The following HTT variants were observed in gnomAD, a reference collection of about 807,000 sequenced individuals.
The protein encoded by HTT is huntingtin, also known as huntington disease protein.
In HTT, 104 loss-of-function variants were observed where a neutral mutation model predicts 362.3. That is an observed-to-expected ratio of 0.29 (90% CI 0.24 to 0.34). HTT has a LOEUF of 0.34. Among genes scored for constraint, HTT ranks in the 10% least tolerant of loss-of-function variants. HTT has a pLI of 1.00. For missense variants in HTT, 3,301 were observed against 3,928.6 expected, an observed-to-expected ratio of 0.84 and a Z score of 4.27; for synonymous variants, 1,577 against 1,548.7, an observed-to-expected ratio of 1.02 and a Z score of -0.43.
chr4:3,157,008 C>T (rs1265428395), intron 27 of HTT, 64 bp from the exon 28 acceptor site: 1 of 1,326,654 alleles, frequency 7.5e-7, no homozygotes, highest in Non-Finnish European at 1.0e-6. Flanking sequence ...TTCCAGTAAT[C>T]TCTTTAAAAC....
intron 47 of HTT, among the ~76,000 whole-genome samples, chr4:3,211,104 A>C (rs1337700268): frequency 6.6e-6 from 1 of 150,508 alleles, no homozygotes; most frequent in East Asian, 1.9e-4. Context: ...GGATTTCACC[A>C]TGTTGGCCAG....
In HTT at chr4:3,217,860, G is replaced by A. The variant is rs1015464444; in HGVS notation, c.7150G>A (p.Val2384Met). ...CTTGGGTCATAAAAGGAATAGCGGC[G>A]TGCCGGCGTTTCTCACGCCATTGCT... ...LALGHKRNSG[V>M]PAFLTPLLRN... Residue 2384 changes from valine to methionine, a missense_variant, in exon 52 of 67, where the codon GTG (valine) becomes ATG (methionine). This residue lies in a region of HTT where 753 missense variants were observed against 1,021.3 expected (regional missense o/e 0.74). Coordinates refer to ENST00000355072, the MANE Select transcript of HTT (RefSeq NM_001388492.1). 1.4e-5 allele frequency: 23 copies of A among 1,614,072 alleles called. No individual in the cohort carries two copies. The highest frequency in any genetic ancestry group is 3.3e-5 in the Admixed American group (2 of 60,008).
intron 41 of HTT, among the ~76,000 whole-genome samples, 160 bp downstream of exon 41, chr4:3,200,099 A>G (rs748309084): frequency 2.0e-5 from 3 of 152,228 alleles, no homozygotes; most frequent in Non-Finnish European, 4.4e-5. Context: ...TTTCATGGAC[A>G]GCATATTATT....
chr4:3,220,108 G>A (rs1051589115), intron 52 of HTT, 74 bp from the exon 53 acceptor site: 5 of 1,559,674 alleles, frequency 3.2e-6, no homozygotes, highest in East Asian at 2.3e-5. Flanking sequence ...GAGAGAAGTC[G>A]GGCTTCCTGC....
intron 53 of HTT, among the ~76,000 whole-genome samples, chr4:3,221,056 G>A (rs1377022422): frequency 3.3e-5 from 5 of 152,142 alleles, no homozygotes; most frequent in Non-Finnish European, 4.4e-5. Flanking sequence ...ACTGTAATCA[G>A]TCAGTTCTCA....
At chr4:3,219,034 C>T (rs115838515) in intron 52 of HTT, among the ~76,000 whole-genome samples, 1,967 of 152,256 alleles carry the variant, frequency 0.013, 79 homozygotes, top group Admixed American at 0.076. Context: ...AGGATTCTGC[C>T]GCAGGGAATG....
intron 11 of HTT, 50 bp downstream of exon 11, chr4:3,125,679 C>T: frequency 1.5e-6 from 2 of 1,317,270 alleles, no homozygotes; most frequent in African/African-American, 1.4e-5. Context: ...GTCTGCCTTC[C>T]ACCCCTTGCC....
At chr4:3,103,159 G>A (rs1222934033) in intron 3 of HTT, among the ~76,000 whole-genome samples, 1 of 150,298 alleles carries the variant, frequency 6.7e-6, no homozygotes, top group Non-Finnish European at 1.5e-5. Context: ...TGCTAGTGAA[G>A]ATTAAAGATT....
At position 3,153,388 on chromosome 4, in the gene HTT, C is replaced by A. The variant is rs138496434; in HGVS notation, c.3499-905C>A. On this transcript the variant is annotated intron_variant, in intron 26 of 66. Transcript: ENST00000355072. Reference sequence around the variant, plus strand: ...ATCAGGGAGTGAGTAAGTAGCAGAGCTAGGACCTCAATTCCACATGTCAGT... The same window carrying A: ...ATCAGGGAGTGAGTAAGTAGCAGAGATAGGACCTCAATTCCACATGTCAGT... 1.6e-3 allele frequency among the ~76,000 whole-genome samples: 243 copies of A among 152,278 alleles called. 2 individuals carry two copies. The highest frequency in any genetic ancestry group is 2.9e-3 in the Admixed American group (45 of 15,292).
chr4:3,107,817 G>A (rs976346539), intron 6 of HTT, among the ~76,000 whole-genome samples: 1 of 152,210 alleles, frequency 6.6e-6, no homozygotes, highest in African/African-American at 2.4e-5. Context: ...GAGCCTGTTG[G>A]CTTCCTGTTG....
At chr4:3,084,590 T>A (rs967873895) in intron 1 of HTT, among the ~76,000 whole-genome samples, 10 of 151,292 alleles carry the variant, frequency 6.6e-5, no homozygotes, top group African/African-American at 2.2e-4. Flanking sequence ...CTTGGGAGGC[T>A]GAGGCAAGAG....
chr4:3,109,428 TTGGTCAGGC>T lies in HTT; in HGVS notation c.747+2011_747+2019del, dbSNP rs1714617147. Reference sequence around the variant, plus strand: ...TTAGTAGAGATGGGGTTTCTCCGGGTTGGTCAGGCTGGTCTCGAACTCCTGACCTCAGGT... The same window carrying T: ...TTAGTAGAGATGGGGTTTCTCCGGGTTGGTCTCGAACTCCTGACCTCAGGT... On this transcript the variant is annotated intron_variant, in intron 6 of 66. Transcript: ENST00000355072. Among the ~76,000 whole-genome samples, 3 of 152,300 alleles carry T rather than the reference TTGGTCAGGC, an allele frequency of 2.0e-5. No individual in the cohort carries two copies. In the East Asian group the frequency reaches 5.8e-4, roughly 29 times the overall value.
Position 3,229,929 on chromosome 4 carries a change from G to C in HTT, c.8152G>C (p.Glu2718Gln), listed in dbSNP as rs1454594164. 1 of 1,614,058 alleles carries C rather than the reference G, an allele frequency of 6.2e-7. No homozygotes were observed. The highest frequency in any genetic ancestry group is 1.3e-5 in the African/African-American group (1 of 74,932). The change falls in exon 60 of 67, where the codon GAG becomes CAG. Residue 2718 changes from glutamate to glutamine, a missense_variant. Glu to Gln is a conservative substitution (Grantham distance 29). Coordinates refer to ENST00000355072, the MANE Select transcript of HTT (RefSeq NM_001388492.1). Reference protein sequence around the residue: ...SDLFTERNQFELMYVTLTELR... With the variant: ...SDLFTERNQFQLMYVTLTELR... Reference sequence around the variant, plus strand: ...CTTGTTCACCGAGCGCAACCAGTTTGAGCTGATGTATGTGACGCTGACAGA... The same window carrying C: ...CTTGTTCACCGAGCGCAACCAGTTTCAGCTGATGTATGTGACGCTGACAGA...
intron 29 of HTT, among the ~76,000 whole-genome samples, chr4:3,164,810 A>C (rs199857121): frequency 6.6e-6 from 1 of 151,932 alleles, no homozygotes; most frequent in East Asian, 1.9e-4. Flanking sequence ...TGAGCCAATG[A>C]GTGTCTTTGC....
chr4:3,197,645 G>A (rs1719316567), intron 40 of HTT, among the ~76,000 whole-genome samples: 3 of 152,086 alleles, frequency 2.0e-5, no homozygotes, highest in Admixed American at 2.0e-4. Flanking sequence ...TTACAGCCCT[G>A]CGAACAGATA....
chr4:3,202,485 C>T (rs756268310), intron 41 of HTT, among the ~76,000 whole-genome samples: 1 of 152,286 alleles, frequency 6.6e-6, no homozygotes, highest in Non-Finnish European at 1.5e-5. Flanking sequence ...AGAAAGGGCA[C>T]GTTTCCTGTT....
intron 64 of HTT, among the ~76,000 whole-genome samples, chr4:3,238,045 G>A (rs922870805): frequency 3.9e-5 from 6 of 152,280 alleles, no homozygotes; most frequent in Middle Eastern, 3.4e-3. Context: ...CATCCTTCCC[G>A]CTGCGCCGTT....
chr4:3,076,152 G>T (rs1712538120), intron 1 of HTT, among the ~76,000 whole-genome samples: 2 of 152,140 alleles, frequency 1.3e-5, no homozygotes, highest in Admixed American at 1.3e-4. Context: ...AGGGGTTTCT[G>T]TTGCTTGTTC....
intron 38 of HTT, 64 bp downstream of exon 38, chr4:3,186,783 A>T: frequency 6.7e-7 from 1 of 1,497,284 alleles, no homozygotes; most frequent in Admixed American, 1.8e-5. Flanking sequence ...GATTACTGGG[A>T]CCACCCCCAG....
Sources: gnomAD v4.1 joint callset for allele counts (sites outside exome capture counted in the v4.1 genomes callset) on GRCh38, gnomAD v4.1.1 for gene constraint, gnomAD v4.1.1 regional missense constraint, MANE v1.5 for transcripts, NCBI Gene and HGNC (gene_info 2026-07-23, HGNC 2026-07-21) for gene names.